The following MAGED1 variants were observed in gnomAD, a reference collection of about 807,000 sequenced individuals.
MAGED1 encodes the protein melanoma-associated antigen D1.
In MAGED1, 3 loss-of-function variants were observed where a neutral mutation model predicts 54.1. The ratio of observed to expected loss-of-function variants is 0.06; its 90% CI spans 0.03 to 0.14. The LOEUF (loss-of-function observed/expected upper bound fraction) is 0.14. Ranked by LOEUF, MAGED1 falls within the 10% of genes least tolerant of loss-of-function variation. MAGED1 has a pLI of 1.00. For missense variants in MAGED1, 485 were observed against 623.4 expected (o/e 0.78, Z 2.36); for synonymous variants, 217 against 227.3 (o/e 0.95, Z 0.41).
intron 1 of MAGED1, among the ~76,000 whole-genome samples, chrX:51,867,734 T>G (rs1465956342): frequency 8.9e-6 from 1 of 112,402 alleles, no homozygotes; most frequent in African/African-American, 3.2e-5. Flanking sequence ...ACTCAGATGT[T>G]TCTTCCAAAC....
At position 51,895,750 on chromosome X, in the gene MAGED1, G is replaced by C; in HGVS notation, c.743G>C (p.Arg248Thr). 8.6e-7 allele frequency: 1 copy of C among 1,165,906 alleles called. No individual in the cohort carries two copies. The highest frequency in any genetic ancestry group is 1.1e-6 in the Non-Finnish European group (1 of 870,121). The change falls in exon 3 of 13, where the codon AGG (arginine) becomes ACG (threonine). Residue 248 changes from arginine (R) to threonine (T), a missense_variant. Transcript: ENST00000326587. ...LESRTIIRGK[R>T]TRKINNLNVE... ...TCCCGGACAATAATTCGGGGCAAGA[G>C]GACCCGCAAGGTGAGATCTCTGCTA...
chrX:51,828,114 C>T (rs1925923455), intron 1 of MAGED1, among the ~76,000 whole-genome samples: 2 of 111,580 alleles, frequency 1.8e-5, no homozygotes. Context: ...AGCATTTTAT[C>T]TCTCTCTTTG....
chrX:51,808,400 A>G (rs933968113), intron 1 of MAGED1, among the ~76,000 whole-genome samples: 5 of 112,368 alleles, frequency 4.4e-5, no homozygotes, highest in Admixed American at 2.8e-4. Flanking sequence ...ATTTTCAAAT[A>G]TATTCAAAGT....
chrX:51,901,433 C>T (rs1557364921), intron 11 of MAGED1, 120 bp from the exon 12 acceptor site: 2 of 617,943 alleles, frequency 3.2e-6, no homozygotes, highest in South Asian at 4.6e-5. Flanking sequence ...AATAGTATTC[C>T]ATTGTGTGTG....
intron 1 of MAGED1, 83 bp from the exon 2 acceptor site, chrX:51,894,186 C>T: frequency 1.9e-6 from 1 of 536,039 alleles, no homozygotes; most frequent in South Asian, 2.8e-5. Flanking sequence ...TCCGCCCGCA[C>T]AGTCAGACCA....
intron 1 of MAGED1, among the ~76,000 whole-genome samples, chrX:51,836,210 T>A (rs1489399433): frequency 9.0e-6 from 1 of 110,979 alleles, no homozygotes; most frequent in African/African-American, 3.3e-5. Flanking sequence ...TTTTTTTTTT[T>A]TTTTATTTTG....
intron 10 of MAGED1, chrX:51,899,944 ATGT>A: frequency 6.1e-6 from 2 of 326,982 alleles, no homozygotes; most frequent in Non-Finnish European, 1.1e-5. Context: ...GTGAAAGGAA[ATGT>A]TGTCCTTTCT....
intron 1 of MAGED1, among the ~76,000 whole-genome samples, chrX:51,823,762 C>G (rs1925730035): frequency 9.0e-6 from 1 of 111,146 alleles, no homozygotes; most frequent in African/African-American, 3.3e-5. Flanking sequence ...CATTTCAATT[C>G]CCTTGTTGTT....
At chrX:51,894,540 CAG>C (rs782613881) in intron 2 of MAGED1, 191 bp downstream of exon 2, 3 of 908,331 alleles carry the variant, frequency 3.3e-6, no homozygotes, top group African/African-American at 4.0e-5. Context: ...AGTCCCTGCT[CAG>C]AGAGAGGGGA....
At chrX:51,828,109 T>G (rs959629758) in intron 1 of MAGED1, among the ~76,000 whole-genome samples, 1 of 112,094 alleles carries the variant, frequency 8.9e-6, no homozygotes, top group African/African-American at 3.2e-5. Flanking sequence ...AATTGAGCAT[T>G]TTATCTCTCT....
chrX:51,837,867 A>G (rs1267100795), intron 1 of MAGED1, among the ~76,000 whole-genome samples: 2 of 112,686 alleles, frequency 1.8e-5, no homozygotes, highest in African/African-American at 6.4e-5. Flanking sequence ...CTTAACTAAT[A>G]TGAGAGTATT....
chrX:51,839,540 T>C (rs1299558909), intron 1 of MAGED1, among the ~76,000 whole-genome samples: 1 of 111,753 alleles, frequency 8.9e-6, no homozygotes, highest in Non-Finnish European at 1.9e-5. Context: ...TCTCTATTAT[T>C]ATATAAAATT....
chrX:51,812,080 G>A (rs1202503779), intron 1 of MAGED1, among the ~76,000 whole-genome samples: 1 of 109,905 alleles, frequency 9.1e-6, no homozygotes, highest in Admixed American at 9.8e-5. Context: ...GAGACATAGA[G>A]GAAGGACCTC....
chrX:51,871,267 A>G (rs1172348149), intron 1 of MAGED1, among the ~76,000 whole-genome samples: 1 of 108,512 alleles, frequency 9.2e-6, no homozygotes, highest in Non-Finnish European at 1.9e-5. Context: ...TATTTTGGGC[A>G]TAATCTTTTT....
intron 1 of MAGED1, among the ~76,000 whole-genome samples, chrX:51,882,609 CAAAAAAA>C (rs35286327): frequency 2.3e-5 from 1 of 44,377 alleles, no homozygotes; most frequent in Non-Finnish European, 4.4e-5. Flanking sequence ...AGGGCACAGA[CAAAAAAA>C]AAAAAAAAAG....
intron 1 of MAGED1, among the ~76,000 whole-genome samples, chrX:51,886,163 G>A (rs1380158836): frequency 9.3e-6 from 1 of 108,070 alleles, no homozygotes; most frequent in Non-Finnish European, 1.9e-5. Flanking sequence ...GGTTGTTTAA[G>A]GGGTACAAAA....
At chrX:51,846,266 C>T (rs1050678690) in intron 1 of MAGED1, among the ~76,000 whole-genome samples, 1 of 111,519 alleles carries the variant, frequency 9.0e-6, no homozygotes, top group East Asian at 2.8e-4. Flanking sequence ...CCAATGTAGT[C>T]GCAAAGTTCC....
At chrX:51,837,887 T>C (rs1278510912) in intron 1 of MAGED1, among the ~76,000 whole-genome samples, 21 of 112,882 alleles carry the variant, frequency 1.9e-4, no homozygotes, top group African/African-American at 6.7e-4. Flanking sequence ...TAAATGCAAT[T>C]GTCAGTTGGT....
chrX:51,848,902 CTCTTTTTTTT>C (rs782519461), intron 1 of MAGED1, among the ~76,000 whole-genome samples: 2 of 104,748 alleles, frequency 1.9e-5, no homozygotes, highest in Non-Finnish European at 3.9e-5. Flanking sequence ...TCTTTTTTTT[CTCTTTTTTTT>C]TCTTGCTTCC....
Sources: gnomAD v4.1 joint callset for allele counts (sites outside exome capture counted in the v4.1 genomes callset) on GRCh38, gnomAD v4.1.1 for gene constraint, MANE v1.5 for transcripts, NCBI Gene and HGNC (gene_info 2026-07-23, HGNC 2026-07-21) for gene names.